ESPL1: variants seen among roughly 807,000 people sequenced by gnomAD.
The protein encoded by ESPL1 is separin.
Under a neutral mutation model 217.2 loss-of-function variants are expected in ESPL1, and 50 were observed. That is an observed-to-expected ratio of 0.23 (90% CI 0.18 to 0.29). The LOEUF (loss-of-function observed/expected upper bound fraction) is 0.29, where lower values mean the gene tolerates loss of function less well. ESPL1 is among the 10% of genes least tolerant of loss of function. ESPL1 has a pLI of 1.00. For synonymous variants in ESPL1, 994 were observed against 1,081.3 expected (o/e 0.92, Z 1.58); for missense variants, 1,834 against 2,603.0 (o/e 0.70, Z 6.43).
rs1390478488 is a variant in ESPL1, at chr12:53,289,158, C to T, written c.4777C>T (p.Pro1593Ser). 6.2e-7 allele frequency: 1 copy of T among 1,614,110 alleles called. No homozygotes were observed. Among genetic ancestry groups the T allele is most frequent in the African/African-American group, 1.3e-5 (1 of 74,942 alleles). The change falls in exon 21 of 31, where the codon CCT (proline) becomes TCT (serine). Residue 1593 changes from proline to serine, a missense_variant. This residue lies in a region of ESPL1 where 681 missense variants were observed against 808.0 expected (regional missense o/e 0.84). Coordinates refer to ENST00000257934, the MANE Select transcript of ESPL1 (RefSeq NM_012291.5). ...VAFRGISHCP[P>S]SGLYAHLCRF... ...TTTCCGGGGCATTAGTCACTGTCCT[C>T]CTAGTGGGCTCTATGCCCACCTCTG... is the stretch of plus-strand genomic sequence containing the variant.
Position 53,288,061 on chromosome 12 carries a change from C to G in ESPL1, c.4266C>G (p.Ser1422=). Reference sequence around the variant, plus strand: ...AGCCTAAGAGACGGGGCACTGCTTCCCGGGGCCGGGGGCGAGCAAGGAAGG... The same window carrying G: ...AGCCTAAGAGACGGGGCACTGCTTCGCGGGGCCGGGGGCGAGCAAGGAAGG... ...AEEPKRRGTA[S]RGRGRARKGL... is the part of the protein sequence containing the mutation. Residue 1422 remains serine (S), a synonymous_variant, in exon 19 of 31, where the codon TCC becomes TCG. Transcript: ENST00000257934. 1 of 1,613,658 alleles carries G rather than the reference C, an allele frequency of 6.2e-7. No individual in the cohort carries two copies. Among genetic ancestry groups the G allele is most frequent in the South Asian group, 1.1e-5 (1 of 91,064 alleles).
intron 7 of ESPL1, among the ~76,000 whole-genome samples, chr12:53,276,155 C>A (rs961116869): frequency 1.3e-5 from 2 of 151,974 alleles, no homozygotes; most frequent in African/African-American, 4.8e-5. Flanking sequence ...CTGTAGTGAA[C>A]CGTGATCACG....
chr12:53,288,086 G>A lies in ESPL1; in HGVS notation c.4291G>A (p.Gly1431Ser), dbSNP rs1165938252. 6 of 1,613,568 alleles carry A rather than the reference G, an allele frequency of 3.7e-6. No individual in the cohort carries two copies. The South Asian group carries it at 4.4e-5, about 12-fold the overall frequency. Reference sequence around the variant, plus strand: ...CCGGGGCCGGGGGCGAGCAAGGAAGGGCCTGAGCCTAAAGACGGATGCCGT... The same window carrying A: ...CCGGGGCCGGGGGCGAGCAAGGAAGAGCCTGAGCCTAAAGACGGATGCCGT... Reference protein sequence around the residue: ...ASRGRGRARKGLSLKTDAVVA... With the variant: ...ASRGRGRARKSLSLKTDAVVA... Residue 1431 changes from glycine to serine, a missense_variant, in exon 19 of 31, where the codon GGC (glycine) becomes AGC (serine). Physicochemically the swap from Gly to Ser is moderately conservative, Grantham distance 56. Around this residue, in one of 5 missense-constraint regions of ESPL1, gnomAD observed 681 missense variants for 808.0 expected, o/e 0.84. Coordinates refer to ENST00000257934, the MANE Select transcript of ESPL1 (RefSeq NM_012291.5).
intron 24 of ESPL1, 29 bp downstream of exon 24, chr12:53,290,498 T>C: frequency 6.2e-7 from 1 of 1,609,996 alleles, no homozygotes; most frequent in Non-Finnish European, 8.5e-7. Context: ...GGGTCAGGCC[T>C]GCTCTAGGAA....
intron 5 of ESPL1, 23 bp from the exon 6 acceptor site, chr12:53,272,698 A>G (rs763009702): frequency 9.9e-6 from 16 of 1,610,588 alleles, no homozygotes; most frequent in Admixed American, 5.0e-5. Flanking sequence ...CCTATGGTCA[A>G]TTGTGCCTTT....
intron 12 of ESPL1, 106 bp downstream of exon 12, chr12:53,279,972 C>A: frequency 7.8e-7 from 1 of 1,282,256 alleles, no homozygotes; most frequent in Non-Finnish European, 1.1e-6. Context: ...CGGCCTTTTA[C>A]CACCACAACT....
chr12:53,279,973 C>T, intron 12 of ESPL1, 107 bp downstream of exon 12: 3 of 1,276,764 alleles, frequency 2.3e-6, no homozygotes, highest in Admixed American at 2.6e-5. Context: ...GGCCTTTTAC[C>T]ACCACAACTG....
In ESPL1 at chr12:53,293,489, CT is replaced by C; in HGVS notation, c.*17del. On this transcript the variant is annotated 3_prime_UTR_variant, in exon 31 of 31. Coordinates refer to ENST00000257934, the MANE Select transcript of ESPL1 (RefSeq NM_012291.5). This position sits in a 1 kb window ranked among gnomAD's most constrained non-coding sequence, Gnocchi z 4.2. ...CTCTGCGGTAACCCCATGGAGCTGT[CT>C]TATTGATGCTAGAAGCCTCATAACT... The C allele has an allele frequency of 6.3e-7, 1 of 1,590,124 alleles. No individual in the cohort carries two copies. The highest frequency in any genetic ancestry group is 8.6e-7 in the Non-Finnish European group (1 of 1,158,534).
chr12:53,285,306 G>C (rs1222677492), intron 17 of ESPL1, among the ~76,000 whole-genome samples: 1 of 152,168 alleles, frequency 6.6e-6, no homozygotes, highest in Non-Finnish European at 1.5e-5. Flanking sequence ...AAGTTGAGAA[G>C]TCTATGTTTG....
At position 53,286,788 on chromosome 12, in the gene ESPL1, A is replaced by C. The variant is rs1377714747; in HGVS notation, c.4052A>C (p.Asp1351Ala). 2.5e-6 allele frequency: 4 copies of C among 1,613,910 alleles called. No individual in the cohort carries two copies. In the South Asian group the frequency reaches 4.4e-5, roughly 18 times the overall value. The change falls in exon 18 of 31, where the codon GAC becomes GCC. Residue 1351 changes from aspartate (D) to alanine (A), a missense_variant. Asp to Ala is a moderately radical substitution (Grantham distance 126). Coordinates refer to ENST00000257934, the MANE Select transcript of ESPL1 (RefSeq NM_012291.5). This position sits in a 1 kb window ranked among gnomAD's most constrained non-coding sequence, Gnocchi z 5.3. Reference protein sequence around the residue: ...RGLPCTPKPPDRIRQAGPHVP... With the variant: ...RGLPCTPKPPARIRQAGPHVP... ...CTGCCCTGCACACCTAAACCCCCAG[A>C]CCGGATCAGGCAAGCTGGCCCTCAT...
At chr12:53,270,212 C>A (rs1457754049) in intron 3 of ESPL1, 127 bp downstream of exon 3, 4 of 991,646 alleles carry the variant, frequency 4.0e-6, no homozygotes, top group African/African-American at 1.6e-5. Flanking sequence ...CAGTGCCTAG[C>A]GAGCCAGCAA....
chr12:53,269,056 C>G lies in ESPL1; in HGVS notation c.114C>G (p.Pro38=), dbSNP rs1454748948. ...TGTCCAACCCTCCAGCTGGTTTTCC[C>G]AGCAGCCGATCTGATGCTGAGAGGA... is the stretch of plus-strand genomic sequence containing the variant. ...EFLSNPPAGF[P]SSRSDAERRQ... The change falls in exon 3 of 31, where the codon CCC becomes CCG. Residue 38 remains proline (P), a synonymous_variant. Transcript: ENST00000257934. The surrounding 1 kb of genome is among the most constrained non-coding windows in gnomAD (Gnocchi z 6.7). 1.9e-6 allele frequency: 3 copies of G among 1,613,004 alleles called. No homozygotes were observed. In the East Asian group the frequency reaches 6.7e-5, roughly 36 times the overall value.
At position 53,269,991 on chromosome 12, in the gene ESPL1, G is replaced by A. The variant is rs772576736; in HGVS notation, c.1049G>A (p.Gly350Asp). 1.2e-6 allele frequency: 2 copies of A among 1,614,188 alleles called. No individual in the cohort carries two copies. The highest frequency in any genetic ancestry group is 4.5e-5 in the East Asian group (2 of 44,880). Residue 350 changes from glycine to aspartate, a missense_variant, in exon 3 of 31, where the codon GGC becomes GAC. By Grantham distance (94) the Gly-to-Asp change is moderately conservative. Transcript: ENST00000257934. The surrounding 1 kb of genome is among the most constrained non-coding windows in gnomAD (Gnocchi z 6.7). ...CQFFLSGLER[G>D]TKRRYRLDAI... ...TTCTTCCTTTCAGGCCTGGAACGAG[G>A]CACCAAGAGGCGCTATAGACTTGAT...
chr12:53,280,232 G>A (rs565265374), intron 12 of ESPL1, among the ~76,000 whole-genome samples: 1 of 152,162 alleles, frequency 6.6e-6, no homozygotes, highest in Non-Finnish European at 1.5e-5. Flanking sequence ...TCTTCTTAAC[G>A]ACCACTGGTA....
chr12:53,278,597 CT>C (rs111602446), intron 11 of ESPL1, among the ~76,000 whole-genome samples: 36 of 144,446 alleles, frequency 2.5e-4, no homozygotes, highest in African/African-American at 1.8e-4. Context: ...TGTGTGCCTT[CT>C]TTTTTTTTTT....
rs1386230079 is a variant in ESPL1, at chr12:53,283,177, G to A, written c.2840G>A (p.Arg947Gln). 1.1e-5 allele frequency: 18 copies of A among 1,614,058 alleles called. No individual in the cohort carries two copies. The highest frequency in any genetic ancestry group is 1.4e-5 in the Non-Finnish European group (17 of 1,180,030). Residue 947 changes from arginine to glutamine, a missense_variant, in exon 15 of 31, where the codon CGA becomes CAA. This residue lies in a region of ESPL1 where 107 missense variants were observed against 171.7 expected (regional missense o/e 0.62). Transcript: ENST00000257934. The stretch of plus-strand genomic sequence containing the variant: ...CTCATAGACTCCCATAAGCTCCTCC[G>A]AAGCATCATCCTCCTGCTGATGGGC... ...IALIDSHKLL[R>Q]SIILLLMGSD... is the part of the protein sequence containing the mutation.
intron 22 of ESPL1, 145 bp downstream of exon 22, chr12:53,289,739 A>G (rs1944019248): frequency 2.8e-6 from 2 of 703,602 alleles, no homozygotes; most frequent in Non-Finnish European, 2.3e-6. Flanking sequence ...AGCATCTTAC[A>G]TCAGGAAGGT....
rs909328789 is a variant in ESPL1, at chr12:53,289,591, A to C, written c.5110A>C (p.Ser1704Arg). ...CCAGGAGCGCCTGGCTCTGATCCCC[A>C]GTGGTATGCGGGCAGCCTTCTGGCC... Reference protein sequence around the residue: ...SFQERLALIPSGVTVCVLALA... With the variant: ...SFQERLALIPRGVTVCVLALA... Residue 1704 changes from serine to arginine, a missense_variant, in exon 22 of 31, where the codon AGT becomes CGT. By Grantham distance (110) the Ser-to-Arg change is moderately radical. Around this residue, in one of 5 missense-constraint regions of ESPL1, gnomAD observed 681 missense variants for 808.0 expected, o/e 0.84. Coordinates refer to ENST00000257934, the MANE Select transcript of ESPL1 (RefSeq NM_012291.5). 5 of 1,612,716 alleles carry C rather than the reference A, an allele frequency of 3.1e-6. No individual in the cohort carries two copies. In the African/African-American group the frequency reaches 5.3e-5, roughly 17 times the overall value.
At chr12:53,285,807 T>C in intron 17 of ESPL1, 117 bp from the exon 18 acceptor site, 1 of 688,970 alleles carries the variant, frequency 1.5e-6, no homozygotes, top group South Asian at 2.1e-5. Flanking sequence ...TACACACATA[T>C]ATATACACGT....
Sources: gnomAD v4.1 joint callset for allele counts (sites outside exome capture counted in the v4.1 genomes callset) on GRCh38, gnomAD v4.1.1 for gene constraint, gnomAD v4.1.1 regional missense constraint, Gnocchi (gnomAD v3.1) non-coding constraint, MANE v1.5 for transcripts, NCBI Gene and HGNC (gene_info 2026-07-23, HGNC 2026-07-21) for gene names.